The following NPAS3 variants were observed in gnomAD, a reference collection of about 807,000 sequenced individuals.
The protein encoded by NPAS3 is neuronal PAS domain-containing protein 3.
NPAS3 carries 14 observed loss-of-function variants against 73.1 expected under a neutral mutation model. The observed-to-expected ratio is 0.19, with a 90% confidence interval of 0.13 to 0.30. NPAS3 has a LOEUF of 0.30. NPAS3 is among the 10% of genes least tolerant of loss of function. The probability of loss-of-function intolerance (pLI) is 1.00; values close to 1 mark genes in which losing one functional copy is unlikely to be tolerated. For synonymous variants in NPAS3, 620 were observed against 541.5 expected (o/e 1.14, Z -2.01); for missense variants, 1,096 against 1,250.0 (o/e 0.88, Z 1.86).
chr14:33,234,015 T>A (rs1476485357), intron 3 of NPAS3, among the ~76,000 whole-genome samples: 4 of 152,110 alleles, frequency 2.6e-5, no homozygotes, highest in Admixed American at 6.6e-5. Flanking sequence ...AAATGTATAT[T>A]AGATAAAGCA....
At chr14:33,739,188 C>A (rs2061596737) in intron 7 of NPAS3, among the ~76,000 whole-genome samples, 1 of 152,154 alleles carries the variant, frequency 6.6e-6, no homozygotes, top group Non-Finnish European at 1.5e-5. Flanking sequence ...GTGGTGAAAT[C>A]TTCAGATACT....
At chr14:33,203,021 T>C (rs1157839453) in intron 2 of NPAS3, among the ~76,000 whole-genome samples, 1 of 152,264 alleles carries the variant, frequency 6.6e-6, no homozygotes, top group Non-Finnish European at 1.5e-5. Context: ...ATGTGGCCTT[T>C]CTTGACTACT....
chr14:33,774,544 GT>G lies in NPAS3; in HGVS notation c.1046+18del. The G allele has an allele frequency of 1.9e-6, 3 of 1,606,424 alleles. No individual in the cohort carries two copies. Among genetic ancestry groups the G allele is most frequent in the Admixed American group, 1.7e-5 (1 of 59,960 alleles). The stretch of plus-strand genomic sequence containing the variant: ...CTGTGAAAATAGGTACTTTGTTTTT[GT>G]TTTCATTTGCCCTGTTGCACGTTGC... On this transcript the variant is annotated intron_variant, in intron 8 of 11. Transcript: ENST00000356141.
chr14:33,637,341 C>CTCCACTAATAA (rs1199725118), intron 5 of NPAS3, among the ~76,000 whole-genome samples: 8 of 152,194 alleles, frequency 5.3e-5, no homozygotes, highest in African/African-American at 1.9e-4. Context: ...TAATAATCAT[C>CTCCACTAATAA]TCCACTTTGC....
rs1037380401 is a variant in NPAS3, at chr14:33,272,650, C to T, written c.385+57224C>T. 2.2e-4 allele frequency among the ~76,000 whole-genome samples: 34 copies of T among 152,274 alleles called. 2 individuals are homozygous for T. The highest frequency in any genetic ancestry group is 1.8e-3 in the Admixed American group (27 of 15,284). On this transcript the variant is annotated intron_variant, in intron 3 of 11. Coordinates refer to ENST00000356141, the Ensembl canonical transcript of NPAS3. ...TAGGCTGGTCTTGAACTCCTGATCTCAAGTGATCCTCCTGCCTCAGCCTCC... is the reference window on the plus strand; with the variant it reads ...TAGGCTGGTCTTGAACTCCTGATCTTAAGTGATCCTCCTGCCTCAGCCTCC...
At chr14:33,013,144 T>C (rs771979826) in intron 1 of NPAS3, among the ~76,000 whole-genome samples, 1 of 152,196 alleles carries the variant, frequency 6.6e-6, no homozygotes, top group Non-Finnish European at 1.5e-5. Context: ...ACTCAGTTTC[T>C]CCATACCCAA....
intron 1 of NPAS3, among the ~76,000 whole-genome samples, chr14:33,035,013 C>A (rs919827937): frequency 6.6e-6 from 1 of 152,172 alleles, no homozygotes; most frequent in African/African-American, 2.4e-5. Context: ...ATATGTGTAA[C>A]CAATGCCAAT....
intron 6 of NPAS3, among the ~76,000 whole-genome samples, chr14:33,720,921 G>A (rs1002500450): frequency 6.6e-6 from 1 of 152,120 alleles, no homozygotes; most frequent in Non-Finnish European, 1.5e-5. Flanking sequence ...CTTGGGTAGT[G>A]AAAATACAAT....
intron 4 of NPAS3, among the ~76,000 whole-genome samples, chr14:33,383,003 C>T (rs2138476996): frequency 6.8e-6 from 1 of 147,910 alleles, no homozygotes; most frequent in South Asian, 2.2e-4. Flanking sequence ...AGGAAAATTG[C>T]TGGAGCTGAG....
At chr14:33,378,430 G>A (rs1183957577) in intron 4 of NPAS3, among the ~76,000 whole-genome samples, 2 of 152,152 alleles carry the variant, frequency 1.3e-5, no homozygotes, top group African/African-American at 4.8e-5. Context: ...GAGGTCAGGA[G>A]TTCAAGACCA....
chr14:32,938,463 G>GAGAGAGAGAGAGAAAT (rs2035775287), upstream of NPAS3, among the ~76,000 whole-genome samples: 4 of 90,242 alleles, frequency 4.4e-5, no homozygotes, highest in Non-Finnish European at 5.1e-5. Context: ...GAGAAAGAGA[G>GAGAGAGAGAGAGAAAT]AGAGAGAGAG....
intron 2 of NPAS3, among the ~76,000 whole-genome samples, chr14:33,181,950 T>G (rs1030104406): frequency 2.0e-5 from 3 of 152,202 alleles, no homozygotes; most frequent in African/African-American, 4.8e-5. Flanking sequence ...TGCTTTTCAC[T>G]TTTCTCCTTG....
intron 5 of NPAS3, among the ~76,000 whole-genome samples, chr14:33,578,590 T>G (rs571485798): frequency 6.6e-6 from 1 of 152,340 alleles, no homozygotes; most frequent in South Asian, 2.1e-4. Context: ...TGGCTTATCA[T>G]AGGCACTAAA....
At chr14:33,446,257 G>A (rs2049495495) in intron 4 of NPAS3, among the ~76,000 whole-genome samples, 1 of 145,372 alleles carries the variant, frequency 6.9e-6, no homozygotes, top group African/African-American at 2.6e-5. Flanking sequence ...CTCACTGCAA[G>A]CTCCGCTTCC....
At chr14:33,313,483 T>G (rs1183732307) in intron 3 of NPAS3, among the ~76,000 whole-genome samples, 1 of 152,120 alleles carries the variant, frequency 6.6e-6, no homozygotes, top group African/African-American at 2.4e-5. Context: ...AAATGAAATG[T>G]CTATCCTGCT....
intron 4 of NPAS3, among the ~76,000 whole-genome samples, chr14:33,402,667 C>T (rs1226527341): frequency 6.6e-6 from 1 of 152,170 alleles, no homozygotes; most frequent in Non-Finnish European, 1.5e-5. Flanking sequence ...CCACCACCCT[C>T]AGGAGGGACA....
intron 2 of NPAS3, among the ~76,000 whole-genome samples, chr14:33,135,324 C>T (rs2043792239): frequency 6.6e-6 from 1 of 152,132 alleles, no homozygotes; most frequent in Non-Finnish European, 1.5e-5. Flanking sequence ...GGTAGGGATT[C>T]AGAGTGGATT....
chr14:33,403,413 C>T (rs570921726), intron 4 of NPAS3, among the ~76,000 whole-genome samples: 1 of 152,170 alleles, frequency 6.6e-6, no homozygotes, highest in African/African-American at 2.4e-5. Context: ...ACTGATACAA[C>T]AGTCTGATAG....
intron 2 of NPAS3, among the ~76,000 whole-genome samples, chr14:33,108,676 T>C (rs1369194262): frequency 6.6e-6 from 1 of 152,180 alleles, no homozygotes; most frequent in Non-Finnish European, 1.5e-5. Context: ...ATATTGAAAC[T>C]ATATTATTTT....
Sources: allele counts gnomAD v4.1 joint callset (sites outside exome capture counted in the v4.1 genomes callset), GRCh38; gene constraint gnomAD v4.1.1; transcripts MANE v1.5; gene names NCBI Gene and HGNC (gene_info 2026-07-23, HGNC 2026-07-21).